SLC35D1: variants seen among roughly 807,000 people sequenced by gnomAD.
SLC35D1 encodes the protein nucleotide sugar transporter SLC35D1.
SLC35D1 carries 31 observed loss-of-function variants against 46.7 expected under a neutral mutation model. The ratio of observed to expected loss-of-function variants is 0.66; its 90% CI spans 0.50 to 0.90. The LOEUF (loss-of-function observed/expected upper bound fraction) is 0.90. SLC35D1 is among the 40% of genes least tolerant of loss of function. The pLI is 0.00. For missense variants in SLC35D1, 397 were observed against 426.2 expected, an observed-to-expected ratio of 0.93 and a Z score of 0.60; for synonymous variants, 195 against 164.6, an observed-to-expected ratio of 1.18 and a Z score of -1.41.
intron 7 of SLC35D1, among the ~76,000 whole-genome samples, chr1:67,042,922 G>T (rs1296025285): frequency 6.6e-6 from 1 of 151,968 alleles, no homozygotes; most frequent in Non-Finnish European, 1.5e-5. Flanking sequence ...AAACAGCCAG[G>T]CGCGGTGGCT....
chr1:67,040,260 T>G (rs1668214524), intron 8 of SLC35D1, among the ~76,000 whole-genome samples: 1 of 152,134 alleles, frequency 6.6e-6, no homozygotes, highest in Non-Finnish European at 1.5e-5. Context: ...CCCCAAGGGC[T>G]AGGATTATAG....
chr1:67,008,980 T>C (rs974400948), intron 11 of SLC35D1, 105 bp downstream of exon 11: 8 of 599,002 alleles, frequency 1.3e-5, no homozygotes, highest in Non-Finnish European at 2.5e-5. Context: ...CCACATATGT[T>C]TAATAATGAA....
At chr1:66,990,323 G>A in the SLC35D1 span, among the ~76,000 whole-genome samples, 1 of 152,140 alleles carries the variant, frequency 6.6e-6, no homozygotes, top group African/African-American at 2.4e-5. Context: ...TGCCCATGCT[G>A]GAGTGCAGTG....
intron 11 of SLC35D1, chr1:67,008,295 C>A: frequency 1.9e-6 from 1 of 525,026 alleles, no homozygotes; most frequent in Non-Finnish European, 3.0e-6. Flanking sequence ...CCTGCCACCA[C>A]ATCCAGCTAA....
At chr1:66,996,157 T>C (rs960291601), downstream of SLC35D1, among the ~76,000 whole-genome samples, 35 of 152,190 alleles carry the variant, frequency 2.3e-4, no homozygotes, top group African/African-American at 8.2e-4. Context: ...TGAAAACACA[T>C]AGTCGGCCCT....
Position 67,001,935 on chromosome 1 carries a change from C to G in SLC35D1, c.*2405G>C, listed in dbSNP as rs558274589. The G allele has an allele frequency of 6.6e-6, 1 of 152,452 alleles. No homozygotes were observed. The highest frequency in any genetic ancestry group is 1.9e-4 in the East Asian group (1 of 5,318). The allele number at this position is 152,452 out of a possible 1,614,324, so 9.4% of individuals were successfully genotyped here. A position where few individuals can be genotyped will look rare whatever the true frequency, so the allele number is the denominator to read the frequency against. On this transcript the variant is annotated 3_prime_UTR_variant, in exon 12 of 12. Transcript: ENST00000235345. ...AGCCTGTCACGTGCATTTAGTGAAG[C>G]TGTAACTACACAATGTTCTCAAATA... is the stretch of plus-strand genomic sequence containing the variant.
chr1:67,000,518 G>A lies in SLC35D1; in HGVS notation c.*3822C>T, dbSNP rs1201296357. The stretch of plus-strand genomic sequence containing the variant: ...GATTCTAGAGGCAATGAGACACAGA[G>A]TCCTGTTTTTCAGGACAGACCGTAT... On this transcript the variant is annotated 3_prime_UTR_variant, in exon 12 of 12. Coordinates refer to ENST00000235345, the MANE Select transcript of SLC35D1 (RefSeq NM_015139.3). The A allele has an allele frequency of 6.6e-6, 1 of 152,238 alleles. No individual in the cohort carries two copies. The highest frequency in any genetic ancestry group is 1.5e-5 in the Non-Finnish European group (1 of 68,014). The allele number at this position is 152,238 out of a possible 1,614,324, so 9.4% of individuals were successfully genotyped here. A position where few individuals can be genotyped will look rare whatever the true frequency, so the allele number is the denominator to read the frequency against.
the SLC35D1 span, among the ~76,000 whole-genome samples, chr1:66,990,904 T>C: frequency 1.9e-4 from 29 of 152,180 alleles, no homozygotes; most frequent in Non-Finnish European, 3.5e-4. Flanking sequence ...CTCACCATCA[T>C]ACACCCACAT....
rs192395145 is a variant in SLC35D1, at chr1:67,002,687, G to A, written c.*1653C>T. On this transcript the variant is annotated 3_prime_UTR_variant, in exon 12 of 12. Transcript: ENST00000235345. ...AAGCTTTAGTAAAGACAAACCAAAA[G>A]ACAGGAATATGAAAATGATCTCAAT... The A allele has an allele frequency of 2.0e-5, 3 of 152,118 alleles. No homozygotes were observed. The highest frequency in any genetic ancestry group is 7.3e-5 in the African/African-American group (3 of 41,356). The allele number at this position is 152,118 out of a possible 1,614,324, so 9.4% of individuals were successfully genotyped here.
chr1:67,010,503 T>A (rs910745759), intron 10 of SLC35D1, among the ~76,000 whole-genome samples: 2 of 152,120 alleles, frequency 1.3e-5, no homozygotes, highest in African/African-American at 2.4e-5. Context: ...GGTGCAAACA[T>A]CTTCTGGCTC....
chr1:66,985,814 A>ATTTTT, the SLC35D1 span: 7 of 629,856 alleles, frequency 1.1e-5, no homozygotes, highest in Non-Finnish European at 1.4e-5. Context: ...GGATTATAAA[A>ATTTTT]TTTTTTTTTT....
chr1:67,006,973 T>C (rs965558261), intron 11 of SLC35D1, among the ~76,000 whole-genome samples: 2 of 152,200 alleles, frequency 1.3e-5, no homozygotes, highest in Non-Finnish European at 2.9e-5. Context: ...GGCAAATTAA[T>C]TAATCCATTT....
intron 6 of SLC35D1, 38 bp from the exon 7 acceptor site, chr1:67,047,405 GAACA>G: frequency 2.6e-6 from 4 of 1,510,444 alleles, no homozygotes; most frequent in Non-Finnish European, 3.7e-6. Flanking sequence ...ACAACTTAAA[GAACA>G]TGCATTTAAT....
chr1:67,019,199 T>G (rs1667747375), intron 10 of SLC35D1, among the ~76,000 whole-genome samples: 1 of 152,210 alleles, frequency 6.6e-6, no homozygotes, highest in Non-Finnish European at 1.5e-5. Context: ...TCCGTCTCCT[T>G]AACTAAAAAC....
intron 11 of SLC35D1, among the ~76,000 whole-genome samples, chr1:67,006,273 G>A (rs1435560600): frequency 1.3e-5 from 2 of 152,126 alleles, no homozygotes; most frequent in Middle Eastern, 3.4e-3. Flanking sequence ...GGTTTTTCTA[G>A]TCCCTCAAGT....
intron 7 of SLC35D1, among the ~76,000 whole-genome samples, chr1:67,043,151 A>G (rs2815377): frequency 0.74 from 111,572 of 150,980 alleles, 41,608 homozygotes; most frequent in African/African-American, 0.83. Context: ...CCAAGATCGC[A>G]CCATTGCACT....
intron 10 of SLC35D1, among the ~76,000 whole-genome samples, chr1:67,014,883 C>A (rs933744876): frequency 6.6e-6 from 1 of 151,278 alleles, no homozygotes; most frequent in East Asian, 1.9e-4. Context: ...CCTGTCCTCC[C>A]TAGCCCAACC....
intron 7 of SLC35D1, among the ~76,000 whole-genome samples, chr1:67,045,032 A>C (rs1420829099): frequency 1.4e-5 from 2 of 148,044 alleles, no homozygotes; most frequent in African/African-American, 2.5e-5. Flanking sequence ...GTACGGCAGC[A>C]AAAAAAAAAG....
rs1667286762 is a variant in SLC35D1, at chr1:66,999,522, TG to T, written c.*4817del. The T allele has an allele frequency of 6.6e-6, 1 of 152,192 alleles. No individual in the cohort carries two copies. Among genetic ancestry groups the T allele is most frequent in the African/African-American group, 2.4e-5 (1 of 41,490 alleles). 9.4% of individuals were successfully genotyped at this position (152,192 alleles called of 1,614,324 possible). A position where few individuals can be genotyped will look rare whatever the true frequency, so the allele number is the denominator to read the frequency against. ...GTCATTTGGTAAATAGACTCTAAAA[TG>T]AAAAAATACTGTGAGAAGCTAACAC... On this transcript the variant is annotated 3_prime_UTR_variant, in exon 12 of 12. Coordinates refer to ENST00000235345, the MANE Select transcript of SLC35D1 (RefSeq NM_015139.3).
Sources: allele counts gnomAD v4.1 joint callset (sites outside exome capture counted in the v4.1 genomes callset), GRCh38; gene constraint gnomAD v4.1.1; transcripts MANE v1.5; gene names NCBI Gene and HGNC (gene_info 2026-07-23, HGNC 2026-07-21).